Variants in AGAP1 observed in about 807,000 individuals in gnomAD.
AGAP1 encodes ArfGAP with GTPase domain, ankyrin repeat and PH domain 1.
Under a neutral mutation model 105.3 loss-of-function variants are expected in AGAP1, and 29 were observed. That is an observed-to-expected ratio of 0.28 (90% CI 0.21 to 0.38). The LOEUF is 0.38. Among genes scored for constraint, AGAP1 ranks in the 10% least tolerant of loss-of-function variants. AGAP1 has a pLI of 1.00. For missense variants in AGAP1, 998 were observed against 1,165.1 expected, an observed-to-expected ratio of 0.86 and a Z score of 2.09; for synonymous variants, 509 against 485.9, an observed-to-expected ratio of 1.05 and a Z score of -0.63.
At chr2:235,592,985 G>A (rs529327993) in intron 1 of AGAP1, among the ~76,000 whole-genome samples, 5 of 152,234 alleles carry the variant, frequency 3.3e-5, no homozygotes, top group Middle Eastern at 3.4e-3. Flanking sequence ...GACGGTGGCC[G>A]GGAGGGCTGC....
chr2:236,081,461 G>A (rs987392663), intron 16 of AGAP1, among the ~76,000 whole-genome samples: 12 of 152,174 alleles, frequency 7.9e-5, no homozygotes, highest in Non-Finnish European at 1.3e-4. Context: ...TCCTCCACCC[G>A]ACTGAGAGTC....
intron 9 of AGAP1, among the ~76,000 whole-genome samples, chr2:235,846,396 A>G (rs1961496591): frequency 1.3e-5 from 2 of 149,970 alleles, no homozygotes; most frequent in African/African-American, 4.9e-5. Context: ...CGATGATCTC[A>G]GCTGACTGCG....
At chr2:236,052,714 T>C (rs1433393297) in intron 16 of AGAP1, among the ~76,000 whole-genome samples, 1 of 152,228 alleles carries the variant, frequency 6.6e-6, no homozygotes, top group Non-Finnish European at 1.5e-5. Context: ...CTGCCATTTT[T>C]TCCCAGTGCA....
At chr2:235,607,570 T>C (rs1945987968) in intron 1 of AGAP1, among the ~76,000 whole-genome samples, 1 of 152,154 alleles carries the variant, frequency 6.6e-6, no homozygotes, top group Non-Finnish European at 1.5e-5. Flanking sequence ...TGATCTGGGG[T>C]TACCTTTTTC....
intron 17 of AGAP1, among the ~76,000 whole-genome samples, chr2:236,122,391 G>A (rs1425489853): frequency 1.3e-5 from 2 of 152,170 alleles, no homozygotes; most frequent in Non-Finnish European, 2.9e-5. Flanking sequence ...GTTGGTGGGA[G>A]CGGGGGACAC....
Position 236,101,382 on chromosome 2 carries a change from C to T in AGAP1, c.2115-18810C>T, listed in dbSNP as rs374478018. Among the ~76,000 whole-genome samples the T allele has an allele frequency of 2.4e-4, 36 of 152,338 alleles. 1 individual carries two copies. In the East Asian group the frequency reaches 4.2e-3, roughly 18 times the overall value. On this transcript the variant is annotated intron_variant, in intron 16 of 17. Transcript: ENST00000304032. This position sits in a 1 kb window ranked among gnomAD's most constrained non-coding sequence, Gnocchi z 4.9. ...TTATTGGAAGCCTACTTGGAGTTCTCTGCAGCTTTTTCTGAATGTGTCGCC... is the reference window on the plus strand; with the variant it reads ...TTATTGGAAGCCTACTTGGAGTTCTTTGCAGCTTTTTCTGAATGTGTCGCC...
intron 16 of AGAP1, among the ~76,000 whole-genome samples, chr2:236,102,343 G>A (rs897717680): frequency 5.3e-5 from 8 of 151,610 alleles, no homozygotes; most frequent in East Asian, 1.9e-4. Context: ...GCGTGAACCC[G>A]GGAGGCAGAG....
rs918852405 is a variant in AGAP1, at chr2:235,893,001, A to G, written c.1155+9552A>G. Among the ~76,000 whole-genome samples, 1 of 152,214 alleles carries G rather than the reference A, an allele frequency of 6.6e-6. No homozygotes were observed. Among genetic ancestry groups the G allele is most frequent in the Non-Finnish European group, 1.5e-5 (1 of 68,034 alleles). ...CACGCTGCTGCAGAAGGCGTGATTC[A>G]TCTTAAGATCAAAAATTATTTCATC... On this transcript the variant is annotated intron_variant, in intron 10 of 17. Coordinates refer to ENST00000304032, the MANE Select transcript of AGAP1 (RefSeq NM_001037131.3). This position sits in a 1 kb window ranked among gnomAD's most constrained non-coding sequence, Gnocchi z 4.7.
At chr2:235,709,006 G>T (rs1371720985) in intron 1 of AGAP1, among the ~76,000 whole-genome samples, 173 bp from the exon 2 acceptor site, 2 of 152,222 alleles carry the variant, frequency 1.3e-5, no homozygotes, top group Non-Finnish European at 2.9e-5. Context: ...CTGGCATCTA[G>T]CTGAGTGTCG....
At position 235,577,697 on chromosome 2, in the gene AGAP1, T is replaced by A. The variant is rs973180459; in HGVS notation, c.163+82848T>A. On this transcript the variant is annotated intron_variant, in intron 1 of 17. Coordinates refer to ENST00000304032, the MANE Select transcript of AGAP1 (RefSeq NM_001037131.3). This position sits in a 1 kb window ranked among gnomAD's most constrained non-coding sequence, Gnocchi z 4.5. ...GCCGAGTGGAACGTGTGTGTCGTCA[T>A]CCCCTCGAAGGCTTGGCTGATTGAG... is the stretch of plus-strand genomic sequence containing the variant. 6.6e-6 allele frequency among the ~76,000 whole-genome samples: 1 copy of A among 152,010 alleles called. No homozygotes were observed. Among genetic ancestry groups the A allele is most frequent in the African/African-American group, 2.4e-5 (1 of 41,376 alleles).
At chr2:235,781,305 C>T (rs539060748) in intron 6 of AGAP1, among the ~76,000 whole-genome samples, 3 of 152,258 alleles carry the variant, frequency 2.0e-5, no homozygotes, top group African/African-American at 7.2e-5. Context: ...TAAATCTGTC[C>T]AGGGGTTCGA....
At chr2:235,878,854 C>T (rs988629596) in intron 9 of AGAP1, among the ~76,000 whole-genome samples, 1 of 152,210 alleles carries the variant, frequency 6.6e-6, no homozygotes, top group Admixed American at 6.5e-5. Context: ...TGAAGTCTCA[C>T]TTCTCTCCCT....
Position 235,791,277 on chromosome 2 carries a change from T to C in AGAP1, c.674-6482T>C, listed in dbSNP as rs181867745. Among the ~76,000 whole-genome samples, 383 of 152,296 alleles carry C rather than the reference T, an allele frequency of 2.5e-3. 1 individual carries two copies. Among genetic ancestry groups the C allele is most frequent in the African/African-American group, 7.1e-3 (296 of 41,560 alleles). On this transcript the variant is annotated intron_variant, in intron 6 of 17. Coordinates refer to ENST00000304032, the MANE Select transcript of AGAP1 (RefSeq NM_001037131.3). ...AGATAGTTTAATGATCACTTTACTG[T>C]GATTTAAAATGGAGTTGAGACGTTA...
chr2:235,619,136 G>A lies in AGAP1; in HGVS notation c.164-90043G>A, dbSNP rs139551576. ...AGTCACCTTGATTTTAGCCCATGTCGATTTTAGACCTTGGATGTAAGGTAA... is the reference window on the plus strand; with the variant it reads ...AGTCACCTTGATTTTAGCCCATGTCAATTTTAGACCTTGGATGTAAGGTAA... On this transcript the variant is annotated intron_variant, in intron 1 of 17. Transcript: ENST00000304032. 2.7e-3 allele frequency among the ~76,000 whole-genome samples: 414 copies of A among 152,274 alleles called. 4 individuals carry two copies. Among genetic ancestry groups the A allele is most frequent in the African/African-American group, 9.1e-3 (378 of 41,540 alleles).
chr2:235,717,097 C>T (rs1014699694), intron 2 of AGAP1, among the ~76,000 whole-genome samples: 2 of 152,124 alleles, frequency 1.3e-5, no homozygotes. Context: ...GTTGTCCTGC[C>T]CCCAAGTCTA....
intron 13 of AGAP1, among the ~76,000 whole-genome samples, chr2:235,985,050 C>A (rs995676964): frequency 6.6e-6 from 1 of 152,174 alleles, no homozygotes; most frequent in African/African-American, 2.4e-5. Flanking sequence ...AATGGTTGAA[C>A]TAATTTACAT....
intron 13 of AGAP1, among the ~76,000 whole-genome samples, chr2:236,024,263 T>G (rs1483107217): frequency 6.6e-6 from 1 of 151,998 alleles, no homozygotes; most frequent in African/African-American, 2.4e-5. Flanking sequence ...TCTCAAACTC[T>G]TGAGCTCAGG....
In AGAP1 at chr2:235,716,555, T is replaced by C. The variant is rs549072380; in HGVS notation, c.223-1002T>C. On this transcript the variant is annotated intron_variant, in intron 2 of 17. Transcript: ENST00000304032. This position sits in a 1 kb window ranked among gnomAD's most constrained non-coding sequence, Gnocchi z 4.0. ...GGTGGCCTTAATGAGCACCTGTGCC[T>C]GGGGATGGGTGCCTTGTGATGTTTT... Among the ~76,000 whole-genome samples, 224 of 152,248 alleles carry C rather than the reference T, an allele frequency of 1.5e-3. 1 individual carries two copies. Among genetic ancestry groups the C allele is most frequent in the African/African-American group, 4.7e-3 (197 of 41,556 alleles).
At chr2:235,506,538 C>T (rs957551297) in intron 1 of AGAP1, among the ~76,000 whole-genome samples, 1 of 151,870 alleles carries the variant, frequency 6.6e-6, no homozygotes, top group African/African-American at 2.4e-5. Context: ...AAAAATTGAA[C>T]TGTGATGACT....
Sources: gnomAD v4.1 joint callset for allele counts (sites outside exome capture counted in the v4.1 genomes callset) on GRCh38, gnomAD v4.1.1 for gene constraint, Gnocchi (gnomAD v3.1) non-coding constraint, MANE v1.5 for transcripts, NCBI Gene and HGNC (gene_info 2026-07-23, HGNC 2026-07-21) for gene names.